Variants in NUP62 observed in about 807,000 individuals in gnomAD.
The protein encoded by NUP62 is nucleoporin 62.
For missense variants in NUP62, 647 were observed against 689.4 expected, an observed-to-expected ratio of 0.94 and a Z score of 0.69; for synonymous variants, 305 against 303.4, an observed-to-expected ratio of 1.01 and a Z score of -0.05.
intron 2 of NUP62, among the ~76,000 whole-genome samples, chr19:49,912,535 A>ACCCATACTGATCCAGCCC (rs2075497090): frequency 6.6e-6 from 1 of 151,652 alleles, no homozygotes; most frequent in Non-Finnish European, 1.5e-5. Context: ...TCTATTCACA[A>ACCCATACTGATCCAGCCC]TGGTGAACCC....
chr19:49,922,171 T>C (rs779650492), intron 2 of NUP62, among the ~76,000 whole-genome samples: 25 of 152,190 alleles, frequency 1.6e-4, no homozygotes, highest in Non-Finnish European at 3.5e-4. Flanking sequence ...CTAGGTCAAA[T>C]AGATGCGAGT....
rs994793331 is a variant in NUP62, at chr19:49,907,706, T to C, written c.*533A>G. On this transcript the variant is annotated 3_prime_UTR_variant, in exon 3 of 3. Coordinates refer to ENST00000352066, the MANE Select transcript of NUP62 (RefSeq NM_016553.5). ...GGCGTCCACCACACCTGACTAATTT[T>C]TGTATTTTTAGTAGAGACGGGGTTT... The C allele has an allele frequency of 2.0e-5, 7 of 345,294 alleles. No individual in the cohort carries two copies. The highest frequency in any genetic ancestry group is 1.6e-4 in the South Asian group (7 of 44,918). The allele number at this position is 345,294 out of a possible 1,614,324, so 21.4% of individuals were successfully genotyped here.
At chr19:49,913,442 C>T (rs1600517532) in intron 2 of NUP62, among the ~76,000 whole-genome samples, 1 of 152,316 alleles carries the variant, frequency 6.6e-6, no homozygotes, top group African/African-American at 2.4e-5. Flanking sequence ...GGCTTTGGGT[C>T]ATACAGTATC....
At position 49,921,686 on chromosome 19, in the gene NUP62, G is replaced by A. The variant is rs2075768499; in HGVS notation, c.-78+6008C>T. Among the ~76,000 whole-genome samples, 1 of 152,328 alleles carries A rather than the reference G, an allele frequency of 6.6e-6. No homozygotes were observed. Among genetic ancestry groups the A allele is most frequent in the South Asian group, 2.1e-4 (1 of 4,826 alleles). On this transcript the variant is annotated intron_variant, in intron 2 of 2. Coordinates refer to ENST00000352066, the MANE Select transcript of NUP62 (RefSeq NM_016553.5). This position sits in a 1 kb window ranked among gnomAD's most constrained non-coding sequence, Gnocchi z 5.4. ...CATGGGGGGTACCCCTCTGCCCATT[G>A]AGGGGGCACCTAGGGAGCCTAGGGG...
chr19:49,910,405 G>A (rs968070306), intron 2 of NUP62, among the ~76,000 whole-genome samples: 2 of 152,160 alleles, frequency 1.3e-5, no homozygotes, highest in East Asian at 3.9e-4. Flanking sequence ...GGCCCCCCAG[G>A]CCCACACCTG....
intron 1 of NUP62, 91 bp downstream of exon 1, chr19:49,929,235 C>T (rs1211040647): frequency 6.5e-6 from 1 of 153,452 alleles, no homozygotes; most frequent in Non-Finnish European, 1.4e-5. Context: ...AGTCTCTTCT[C>T]ACTACAGTGT....
Position 49,908,102 on chromosome 19 carries a change from C to A in NUP62, c.*137G>T. 2.0e-6 allele frequency: 3 copies of A among 1,487,530 alleles called. No homozygotes were observed. The highest frequency in any genetic ancestry group is 1.3e-5 in the South Asian group (1 of 77,664). 92.1% of individuals were successfully genotyped at this position (1,487,530 alleles called of 1,614,324 possible). A position where few individuals can be genotyped will look rare whatever the true frequency, so the allele number is the denominator to read the frequency against. On this transcript the variant is annotated 3_prime_UTR_variant, in exon 3 of 3. Coordinates refer to ENST00000352066, the MANE Select transcript of NUP62 (RefSeq NM_016553.5). The stretch of plus-strand genomic sequence containing the variant: ...AAATGGAAAAACGCAAAGCACACAG[C>A]GATCATGTCAAGGGCAGTCATGTGA...
In NUP62 at chr19:49,907,876, A is replaced by G. The variant is rs2075359075; in HGVS notation, c.*363T>C. The G allele has an allele frequency of 2.6e-6, 1 of 378,316 alleles. No homozygotes were observed. Among genetic ancestry groups the G allele is most frequent in the Admixed American group, 4.3e-5 (1 of 23,234 alleles). The allele number at this position is 378,316 out of a possible 1,614,324, so 23.4% of individuals were successfully genotyped here. Reference sequence around the variant, plus strand: ...CATTTGGTATTTTTTCATGACACCTATGACTATGCTTTGGAGAGAGTGGCT... The same window carrying G: ...CATTTGGTATTTTTTCATGACACCTGTGACTATGCTTTGGAGAGAGTGGCT... On this transcript the variant is annotated 3_prime_UTR_variant, in exon 3 of 3. Coordinates refer to ENST00000352066, the MANE Select transcript of NUP62 (RefSeq NM_016553.5).
In NUP62 at chr19:49,909,716, C is replaced by T. The variant is rs763217245; in HGVS notation, c.92G>A (p.Gly31Glu). The T allele has an allele frequency of 1.9e-5, 31 of 1,613,970 alleles. No homozygotes were observed. Among genetic ancestry groups the T allele is most frequent in the Non-Finnish European group, 9.3e-6 (11 of 1,180,030 alleles). The change falls in exon 3 of 3, where the codon GGG becomes GAG. Residue 31 changes from glycine to glutamate, a missense_variant. Coordinates refer to ENST00000352066, the MANE Select transcript of NUP62 (RefSeq NM_016553.5). ...AKTATTTPAT[G>E]FSFSTSGTGG... ...AGTGCCAGAGGTGGAGAAAGAAAAC[C>T]CTGTAGCAGGTGTGGTTGTTGCCGT... is the stretch of plus-strand genomic sequence containing the variant.
Position 49,909,375 on chromosome 19 carries a change from A to G in NUP62, c.433T>C (p.Ser145Pro). The G allele has an allele frequency of 5.0e-6, 8 of 1,613,142 alleles. No homozygotes were observed. Among genetic ancestry groups the G allele is most frequent in the Non-Finnish European group, 6.8e-6 (8 of 1,179,876 alleles). The change falls in exon 3 of 3, where the codon TCC becomes CCC. Residue 145 changes from serine to proline, a missense_variant. Ser to Pro is a moderately conservative substitution (Grantham distance 74). Coordinates refer to ENST00000352066, the MANE Select transcript of NUP62 (RefSeq NM_016553.5). ...TAPTGFVFGPSTTSVAPATTS... is the reference protein window; with the variant it reads ...TAPTGFVFGPPTTSVAPATTS... ...GTAGCTGGAGCCACAGAGGTGGTGG[A>G]GGGGCCAAACACAAAGCCGGTGGGT...
chr19:49,920,836 C>A (rs763016275), intron 2 of NUP62, among the ~76,000 whole-genome samples: 1 of 152,114 alleles, frequency 6.6e-6, no homozygotes. Context: ...GCGTGTGTGG[C>A]GGGGGAGGAA....
Sources: allele counts gnomAD v4.1 joint callset (sites outside exome capture counted in the v4.1 genomes callset), GRCh38; gene constraint gnomAD v4.1.1; non-coding constraint Gnocchi (gnomAD v3.1); transcripts MANE v1.5; gene names NCBI Gene and HGNC (gene_info 2026-07-23, HGNC 2026-07-21).